Variants in MAP4K4 observed in about 807,000 individuals in gnomAD.
The protein encoded by MAP4K4 is mitogen-activated protein kinase kinase kinase kinase 4, also known as HPK/GCK-like kinase HGK.
MAP4K4 carries 38 observed loss-of-function variants against 189.6 expected under a neutral mutation model. The observed-to-expected ratio is 0.20, with a 90% CI of 0.15 to 0.26. The LOEUF is 0.26. MAP4K4 is among the 10% of genes least tolerant of loss of function. The probability of loss-of-function intolerance (pLI) is 1.00; values close to 1 mark genes in which losing one functional copy is unlikely to be tolerated. For missense variants in MAP4K4, 1,054 were observed against 1,726.9 expected (o/e 0.61, Z 6.91); for synonymous variants, 610 against 624.3 (o/e 0.98, Z 0.34).
chr2:101,867,903 T>C (rs2097862031), intron 20 of MAP4K4, 126 bp from the exon 21 acceptor site: 1 of 908,932 alleles, frequency 1.1e-6, no homozygotes, highest in East Asian at 2.6e-5. Context: ...GTCAGAGTTT[T>C]CATTTCCTGC....
At chr2:101,759,033 T>G (rs1004436639) in intron 2 of MAP4K4, among the ~76,000 whole-genome samples, 4 of 150,964 alleles carry the variant, frequency 2.6e-5, no homozygotes, top group Middle Eastern at 3.2e-3. Flanking sequence ...CTCGGGAGGC[T>G]GAGGCAGGAG....
intron 20 of MAP4K4, 103 bp downstream of exon 20, chr2:101,867,412 C>T (rs1025790752): frequency 7.4e-6 from 6 of 806,074 alleles, no homozygotes; most frequent in East Asian, 2.7e-5. Flanking sequence ...TGCGAGGGCC[C>T]CTCACAGATT....
chr2:101,790,922 G>C lies in MAP4K4; in HGVS notation c.180+146G>C, dbSNP rs970012690. On this transcript the variant is annotated intron_variant, in intron 3 of 32. Transcript: ENST00000324219. ...ACATTGTGGGTTCATAGGTCCAGTGGACTAGTTGGCCTAAATTGTAGTACA... is the reference window on the plus strand; with the variant it reads ...ACATTGTGGGTTCATAGGTCCAGTGCACTAGTTGGCCTAAATTGTAGTACA... 8.5e-6 allele frequency: 6 copies of C among 707,892 alleles called. No individual in the cohort carries two copies. In the African/African-American group the frequency reaches 1.1e-4, roughly 13 times the overall value. 43.9% of individuals were successfully genotyped at this position (707,892 alleles called of 1,614,324 possible). A position where few individuals can be genotyped will look rare whatever the true frequency, so the allele number is the denominator to read the frequency against.
At chr2:101,776,223 A>C (rs1485482862) in intron 2 of MAP4K4, among the ~76,000 whole-genome samples, 1 of 152,216 alleles carries the variant, frequency 6.6e-6, no homozygotes, top group Non-Finnish European at 1.5e-5. Context: ...AATTAAAAGT[A>C]AAACAAAAAA....
chr2:101,803,244 G>GTGTGTGT (rs1558993935), intron 3 of MAP4K4, among the ~76,000 whole-genome samples: 6 of 41,024 alleles, frequency 1.5e-4, no homozygotes, highest in African/African-American at 8.9e-4. Context: ...TGATGATGAT[G>GTGTGTGT]ATGTGTGTGT....
chr2:101,723,582 G>C (rs2053504476), intron 2 of MAP4K4, among the ~76,000 whole-genome samples: 1 of 152,184 alleles, frequency 6.6e-6, no homozygotes, highest in Admixed American at 6.5e-5. Flanking sequence ...CTGAGCTCCT[G>C]GGCCAGAATC....
At chr2:101,703,576 GC>G (rs1348142699) in intron 2 of MAP4K4, among the ~76,000 whole-genome samples, 2 of 133,848 alleles carry the variant, frequency 1.5e-5, no homozygotes, top group Non-Finnish European at 1.5e-5. Flanking sequence ...TGAGATCATG[GC>G]ACTGCACTCC....
chr2:101,831,537 G>A (rs1306013064), intron 6 of MAP4K4, among the ~76,000 whole-genome samples, 184 bp from the exon 7 acceptor site: 1 of 151,998 alleles, frequency 6.6e-6, no homozygotes, highest in African/African-American at 2.4e-5. Flanking sequence ...TCACAGTCTC[G>A]GTGGCTTTAC....
chr2:101,858,642 A>T (rs992161107), intron 13 of MAP4K4, among the ~76,000 whole-genome samples: 2 of 152,238 alleles, frequency 1.3e-5, no homozygotes, highest in Non-Finnish European at 2.9e-5. Context: ...GAACCCTCTG[A>T]TACTTTTTAA....
rs566878112 is a variant in MAP4K4, at chr2:101,856,284, C to T, written c.1395+146C>T. The T allele has an allele frequency of 7.2e-6, 5 of 691,266 alleles. No individual in the cohort carries two copies. In the East Asian group the frequency reaches 8.7e-5, roughly 12 times the overall value. 42.8% of individuals were successfully genotyped at this position (691,266 alleles called of 1,614,324 possible). On this transcript the variant is annotated intron_variant, in intron 13 of 32. Transcript: ENST00000324219. The stretch of plus-strand genomic sequence containing the variant: ...ATACTTAGAACTTCAGATGTATGAA[C>T]GTGGTGAAACACAGTTGGAATGACA...
chr2:101,733,232 G>A (rs2059211848), intron 2 of MAP4K4, among the ~76,000 whole-genome samples: 2 of 152,192 alleles, frequency 1.3e-5, no homozygotes, highest in African/African-American at 2.4e-5. Flanking sequence ...CTTTGACTCC[G>A]AGGAAGGAAA....
chr2:101,882,763 G>GT (rs1383138172), intron 28 of MAP4K4, 78 bp downstream of exon 28: 1 of 1,364,546 alleles, frequency 7.3e-7, no homozygotes, highest in Non-Finnish European at 9.9e-7. Context: ...ATTTTCACAG[G>GT]TTTTTTGAAG....
chr2:101,732,982 TCCTGTCAGCCCGAGC>T (rs2059103391), intron 2 of MAP4K4, among the ~76,000 whole-genome samples: 1 of 152,260 alleles, frequency 6.6e-6, no homozygotes, highest in Admixed American at 6.5e-5. Flanking sequence ...TTAGCAGCTG[TCCTGTCAGCCCGAGC>T]CCTGTGTCAC....
At chr2:101,713,452 T>C (rs971135245) in intron 2 of MAP4K4, among the ~76,000 whole-genome samples, 3 of 151,704 alleles carry the variant, frequency 2.0e-5, no homozygotes, top group African/African-American at 7.3e-5. Context: ...AAAAATGAGC[T>C]GGGCACGGTG....
At chr2:101,727,147 A>G (rs1574342796) in intron 2 of MAP4K4, among the ~76,000 whole-genome samples, 1 of 152,190 alleles carries the variant, frequency 6.6e-6, no homozygotes, top group South Asian at 2.1e-4. Context: ...TTAAATTTCA[A>G]TATGAATTTT....
intron 2 of MAP4K4, among the ~76,000 whole-genome samples, chr2:101,724,841 A>G (rs2054331966): frequency 6.6e-6 from 1 of 152,234 alleles, no homozygotes; most frequent in Non-Finnish European, 1.5e-5. Context: ...TTATGTGCAC[A>G]TAAGGATGTT....
intron 2 of MAP4K4, among the ~76,000 whole-genome samples, chr2:101,786,067 C>A (rs941557839): frequency 6.6e-6 from 1 of 152,182 alleles, no homozygotes; most frequent in African/African-American, 2.4e-5. Flanking sequence ...CTGAAGTGAT[C>A]GCCTGCCTTG....
intron 7 of MAP4K4, among the ~76,000 whole-genome samples, chr2:101,833,445 C>A (rs536471636): frequency 1.3e-5 from 2 of 151,816 alleles, no homozygotes; most frequent in Admixed American, 6.6e-5. Flanking sequence ...CCGGTGAAAC[C>A]CCATCTTTAC....
intron 3 of MAP4K4, among the ~76,000 whole-genome samples, chr2:101,814,865 A>G (rs2095628134): frequency 1.3e-5 from 2 of 152,200 alleles, no homozygotes; most frequent in South Asian, 4.1e-4. Flanking sequence ...AGGAGACAGG[A>G]AGAATGAGGG....
Sources: allele counts gnomAD v4.1 joint callset (sites outside exome capture counted in the v4.1 genomes callset), GRCh38; gene constraint gnomAD v4.1.1; transcripts MANE v1.5; gene names NCBI Gene and HGNC (gene_info 2026-07-23, HGNC 2026-07-21).